TRERF1: variants seen among roughly 807,000 people sequenced by gnomAD.
TRERF1 encodes transcriptional-regulating factor 1.
Under a neutral mutation model 122.9 loss-of-function variants are expected in TRERF1, and 27 were observed. That is an observed-to-expected ratio of 0.22 (90% confidence interval 0.16 to 0.30). The LOEUF is 0.30. Ranked by LOEUF, TRERF1 falls within the 10% of genes least tolerant of loss-of-function variation. The pLI, the probability that TRERF1 is intolerant of heterozygous loss-of-function variation, is 1.00. For synonymous variants in TRERF1, 636 were observed against 641.7 expected, an observed-to-expected ratio of 0.99 and a Z score of 0.13; for missense variants, 1,248 against 1,560.3, an observed-to-expected ratio of 0.80 and a Z score of 3.37.
chr6:42,317,449 G>A (rs1005034880), intron 3 of TRERF1, among the ~76,000 whole-genome samples: 1 of 151,846 alleles, frequency 6.6e-6, no homozygotes, highest in African/African-American at 2.4e-5. Flanking sequence ...CAACCTCCCA[G>A]GCTCAAGCAA....
chr6:42,326,027 G>T (rs395986), intron 3 of TRERF1, among the ~76,000 whole-genome samples: 2 of 152,178 alleles, frequency 1.3e-5, no homozygotes, highest in African/African-American at 4.8e-5. Flanking sequence ...TACAAAATGC[G>T]GGAGGGTGGC....
chr6:42,236,206 G>C, exon 16 of TRERF1: 1 of 1,576,254 alleles, frequency 6.3e-7, no homozygotes, highest in South Asian at 1.2e-5. Flanking sequence ...CACACTTACA[G>C]CCCCACAGTT....
chr6:42,337,452 C>A (rs1405457165), intron 3 of TRERF1, among the ~76,000 whole-genome samples: 2 of 152,170 alleles, frequency 1.3e-5, no homozygotes, highest in Non-Finnish European at 2.9e-5. Context: ...CTGCTCTGCT[C>A]CTATTTATTG....
intron 2 of TRERF1, among the ~76,000 whole-genome samples, chr6:42,381,617 G>A (rs971521326): frequency 1.4e-4 from 21 of 151,884 alleles, no homozygotes; most frequent in East Asian, 5.8e-4. Flanking sequence ...CAGCCCAGCC[G>A]TGATTGAAGC....
At chr6:42,353,385 GAGACC>G (rs1452913553) in intron 3 of TRERF1, among the ~76,000 whole-genome samples, 1 of 152,000 alleles carries the variant, frequency 6.6e-6, no homozygotes, top group Non-Finnish European at 1.5e-5. Flanking sequence ...ACAGGAGTTT[GAGACC>G]AGCCTGGCCA....
chr6:42,236,505 C>A (rs1772238297), intron 15 of TRERF1, 94 bp from the exon 16 acceptor site: 5 of 1,477,352 alleles, frequency 3.4e-6, no homozygotes, highest in Non-Finnish European at 4.5e-6. Context: ...GAGAGAGGGG[C>A]AGGATGCTGG....
intron 2 of TRERF1, among the ~76,000 whole-genome samples, chr6:42,375,150 T>C (rs1414096684): frequency 6.6e-6 from 1 of 152,112 alleles, no homozygotes; most frequent in Non-Finnish European, 1.5e-5. Flanking sequence ...GCCTTCTGTG[T>C]TCTTCCAAGT....
chr6:42,389,190 C>T (rs1475025840), intron 2 of TRERF1, among the ~76,000 whole-genome samples: 1 of 152,246 alleles, frequency 6.6e-6, no homozygotes, highest in East Asian at 1.9e-4. Context: ...ACAGTTGACA[C>T]TGAAATCTGT....
chr6:42,441,646 C>T (rs943136113), intron 2 of TRERF1, among the ~76,000 whole-genome samples: 6 of 150,884 alleles, frequency 4.0e-5, no homozygotes, highest in South Asian at 2.1e-4. Context: ...GAACCAATGG[C>T]GAGAAAACCA....
At chr6:42,347,507 C>G (rs962807199) in intron 3 of TRERF1, among the ~76,000 whole-genome samples, 2 of 152,046 alleles carry the variant, frequency 1.3e-5, no homozygotes, top group African/African-American at 2.4e-5. Flanking sequence ...TTAATATGTG[C>G]CAAGAACTGT....
chr6:42,288,425 G>A (rs1011066792), intron 4 of TRERF1, among the ~76,000 whole-genome samples: 3 of 151,930 alleles, frequency 2.0e-5, no homozygotes, highest in African/African-American at 4.8e-5. Flanking sequence ...ATCATTAGCC[G>A]GGCGTGCTGG....
In TRERF1 at chr6:42,445,627, A is replaced by G. The variant is rs576409142; in HGVS notation, c.-454+5550T>C. On this transcript the variant is annotated intron_variant, in intron 2 of 17. Transcript: ENST00000372922. ...TGATTCTGCCCGCCTCCCTCTCCCA[A>G]TCTTTCTTCATCTCAGGAAACAGCA... is the stretch of plus-strand genomic sequence containing the variant. Among the ~76,000 whole-genome samples, 5 of 151,754 alleles carry G rather than the reference A, an allele frequency of 3.3e-5. No homozygotes were observed. In the East Asian group the frequency reaches 5.8e-4, roughly 18 times the overall value.
chr6:42,319,083 C>T (rs1212535152), intron 3 of TRERF1, among the ~76,000 whole-genome samples: 2 of 152,248 alleles, frequency 1.3e-5, no homozygotes, highest in African/African-American at 4.8e-5. Flanking sequence ...GAAGAGTCCT[C>T]ATAGGCCTGT....
At position 42,232,266 on chromosome 6, in the gene TRERF1, T is replaced by G. The variant is rs1037333356; in HGVS notation, c.3278+415A>C. ...CAGAAGTAAGCGAAGGTGGTAGGAT[T>G]ACCCTGTATGAGCCATCTGTGTTAC... On this transcript the variant is annotated intron_variant, in intron 17 of 17. Coordinates refer to ENST00000372922, the Ensembl canonical transcript of TRERF1. The surrounding 1 kb of genome is among the most constrained non-coding windows in gnomAD (Gnocchi z 4.5). Among the ~76,000 whole-genome samples, 6 of 152,242 alleles carry G rather than the reference T, an allele frequency of 3.9e-5. No homozygotes were observed. The highest frequency in any genetic ancestry group is 7.3e-5 in the Non-Finnish European group (5 of 68,036).
chr6:42,273,531 T>C (rs1780616812), intron 4 of TRERF1, among the ~76,000 whole-genome samples: 1 of 152,130 alleles, frequency 6.6e-6, no homozygotes, highest in Admixed American at 6.5e-5. Flanking sequence ...GATAGACAAA[T>C]AGGGCTTACA....
At chr6:42,431,269 G>A (rs1048385944) in intron 2 of TRERF1, among the ~76,000 whole-genome samples, 2 of 151,940 alleles carry the variant, frequency 1.3e-5, no homozygotes, top group African/African-American at 4.8e-5. Flanking sequence ...GCAATTAATA[G>A]AAAGGAGGAA....
intron 2 of TRERF1, among the ~76,000 whole-genome samples, chr6:42,434,692 A>ACAC (rs2151703920): frequency 6.6e-6 from 1 of 152,000 alleles, no homozygotes; most frequent in South Asian, 2.1e-4. Flanking sequence ...ACACACACAC[A>ACAC]CACACACACA....
At chr6:42,274,416 T>C (rs761721035) in intron 4 of TRERF1, among the ~76,000 whole-genome samples, 2 of 152,232 alleles carry the variant, frequency 1.3e-5, no homozygotes, top group Non-Finnish European at 2.9e-5. Context: ...GGCTCAAGCC[T>C]GTAATCCTAG....
intron 2 of TRERF1, among the ~76,000 whole-genome samples, chr6:42,406,133 T>C (rs1157510378): frequency 6.6e-6 from 1 of 152,212 alleles, no homozygotes; most frequent in Admixed American, 6.5e-5. Context: ...AGGGAGAAAC[T>C]GAGGCTCAGA....
Sources: allele counts gnomAD v4.1 joint callset (sites outside exome capture counted in the v4.1 genomes callset), GRCh38; gene constraint gnomAD v4.1.1; non-coding constraint Gnocchi (gnomAD v3.1); transcripts MANE v1.5; gene names NCBI Gene and HGNC (gene_info 2026-07-23, HGNC 2026-07-21).